The following USP15 variants were observed in gnomAD, a reference collection of about 807,000 sequenced individuals.
USP15 encodes the protein ubiquitin specific peptidase 15.
In USP15, 18 loss-of-function variants were observed where a neutral mutation model predicts 127.1. The ratio of observed to expected loss-of-function variants is 0.14; its 90% CI spans 0.10 to 0.21. The LOEUF (loss-of-function observed/expected upper bound fraction) is 0.21, where lower values mean the gene tolerates loss of function less well. Ranked by LOEUF, USP15 falls within the 10% of genes least tolerant of loss-of-function variation. The probability of loss-of-function intolerance (pLI) is 1.00; values close to 1 mark genes in which losing one functional copy is unlikely to be tolerated. For synonymous variants in USP15, 364 were observed against 393.7 expected (o/e 0.92, Z 0.89); for missense variants, 805 against 1,159.9 (o/e 0.69, Z 4.44).
intron 1 of USP15, among the ~76,000 whole-genome samples, chr12:62,281,867 AT>A (rs1350298189): frequency 6.6e-6 from 1 of 152,232 alleles, no homozygotes; most frequent in Non-Finnish European, 1.5e-5. Context: ...GACAGTTGAC[AT>A]AGAAATGTAT....
intron 17 of USP15, 73 bp downstream of exon 17, chr12:62,391,959 GT>G (rs1220495279): frequency 3.7e-6 from 5 of 1,340,106 alleles, no homozygotes; most frequent in Non-Finnish European, 5.1e-6. Context: ...TAATCATACT[GT>G]TGTGTTACAC....
chr12:62,391,923 G>A, intron 17 of USP15, 37 bp downstream of exon 17: 4 of 1,537,536 alleles, frequency 2.6e-6, no homozygotes, highest in South Asian at 2.4e-5. Context: ...ACCTTTCCTT[G>A]ATTTACTTTA....
Position 62,324,522 on chromosome 12 carries a change from A to G in USP15, c.622-1350A>G, listed in dbSNP as rs185106669. On this transcript the variant is annotated intron_variant, in intron 5 of 21. Transcript: ENST00000280377. Reference sequence around the variant, plus strand: ...AGTGAAAAATCACTCTCTAAATTCTACTTTGTAAATCTTCATAAATTTATA... The same window carrying G: ...AGTGAAAAATCACTCTCTAAATTCTGCTTTGTAAATCTTCATAAATTTATA... Among the ~76,000 whole-genome samples the G allele has an allele frequency of 2.8e-3, 422 of 152,102 alleles. 1 individual carries two copies. Among genetic ancestry groups the G allele is most frequent in the African/African-American group, 9.6e-3 (401 of 41,558 alleles).
chr12:62,403,295 G>T (rs1455474121), intron 21 of USP15, among the ~76,000 whole-genome samples: 1 of 152,084 alleles, frequency 6.6e-6, no homozygotes, highest in Non-Finnish European at 1.5e-5. Flanking sequence ...ACAGAACATA[G>T]TATGTTTAAA....
intron 11 of USP15, among the ~76,000 whole-genome samples, chr12:62,386,954 A>G (rs1218068339): frequency 6.6e-6 from 1 of 152,186 alleles, no homozygotes; most frequent in African/African-American, 2.4e-5. Flanking sequence ...AAAATGTGTA[A>G]GTATATTCAA....
At chr12:62,393,258 G>T in intron 19 of USP15, 56 bp downstream of exon 19, 1 of 1,569,460 alleles carries the variant, frequency 6.4e-7, no homozygotes, top group South Asian at 1.2e-5. Context: ...AAACTTATTT[G>T]ATGCTTTTTG....
chr12:62,413,474 A>G lies in USP15; in HGVS notation c.*9099A>G, dbSNP rs923689829. On this transcript the variant is annotated 3_prime_UTR_variant, in exon 22 of 22. Transcript: ENST00000280377. Reference sequence around the variant, plus strand: ...GTTTTTAGTGTAACTACCTTCATCAATGATCTTAGCTAGATCTTCTGGATA... The same window carrying G: ...GTTTTTAGTGTAACTACCTTCATCAGTGATCTTAGCTAGATCTTCTGGATA... 2.0e-5 allele frequency: 3 copies of G among 152,174 alleles called. No individual in the cohort carries two copies. Among genetic ancestry groups the G allele is most frequent in the Non-Finnish European group, 2.9e-5 (2 of 68,024 alleles). 9.4% of individuals were successfully genotyped at this position (152,174 alleles called of 1,614,324 possible).
chr12:62,331,271 G>T (rs960194008), intron 6 of USP15, among the ~76,000 whole-genome samples: 4 of 152,154 alleles, frequency 2.6e-5, no homozygotes, highest in African/African-American at 9.7e-5. Flanking sequence ...ATCACTGGTA[G>T]AATTTATTAA....
In USP15 at chr12:62,307,615, G is replaced by C. The variant is rs565224116; in HGVS notation, c.348+4695G>C. 2.0e-5 allele frequency among the ~76,000 whole-genome samples: 3 copies of C among 152,162 alleles called. No homozygotes were observed. In the South Asian group the frequency reaches 6.2e-4, roughly 32 times the overall value. ...TTTCAGTTACCTGCAAGCAACCATG[G>C]TCCAAAAATATTAAGTGGGAAATTC... On this transcript the variant is annotated intron_variant, in intron 3 of 21. Transcript: ENST00000280377.
intron 18 of USP15, 149 bp from the exon 19 acceptor site, chr12:62,392,902 TAA>T (rs890798316): frequency 1.1e-5 from 8 of 709,626 alleles, no homozygotes; most frequent in African/African-American, 9.2e-5. Flanking sequence ...ATAAAAATAA[TAA>T]GAGTTGCTTT....
chr12:62,394,689 A>T (rs2067429290), intron 19 of USP15, among the ~76,000 whole-genome samples: 1 of 152,264 alleles, frequency 6.6e-6, no homozygotes. Flanking sequence ...CTCTACCAAA[A>T]TTCAAAAACA....
intron 11 of USP15, 48 bp from the exon 12 acceptor site, chr12:62,389,383 T>C: frequency 1.3e-6 from 2 of 1,512,508 alleles, no homozygotes; most frequent in Non-Finnish European, 9.0e-7. Context: ...ATTTACTGAA[T>C]TTTTTTTCCA....
chr12:62,371,281 C>T (rs759522857), intron 8 of USP15, among the ~76,000 whole-genome samples: 4 of 152,274 alleles, frequency 2.6e-5, no homozygotes, highest in Middle Eastern at 6.8e-3. Context: ...TCCCTACTTG[C>T]GTTTTTCATA....
At chr12:62,319,644 G>A (rs1049276114) in intron 4 of USP15, among the ~76,000 whole-genome samples, 5 of 152,020 alleles carry the variant, frequency 3.3e-5, no homozygotes, top group Non-Finnish European at 2.9e-5. Flanking sequence ...AGGCTTTTGC[G>A]TTACTACCCC....
In USP15 at chr12:62,404,711, G is replaced by A. The variant is rs982459428; in HGVS notation, c.*336G>A. On this transcript the variant is annotated 3_prime_UTR_variant, in exon 22 of 22. Transcript: ENST00000280377. ...TGAGTTGATGACAAATGTTAAATTTGTGGATGTTGGTCATTTATTTTGCTC... is the reference window on the plus strand; with the variant it reads ...TGAGTTGATGACAAATGTTAAATTTATGGATGTTGGTCATTTATTTTGCTC... 1 of 164,996 alleles carries A rather than the reference G, an allele frequency of 6.1e-6. No individual in the cohort carries two copies. The highest frequency in any genetic ancestry group is 1.3e-5 in the Non-Finnish European group (1 of 76,002). The allele number at this position is 164,996 out of a possible 1,614,324, so 10.2% of individuals were successfully genotyped here. A position where few individuals can be genotyped will look rare whatever the true frequency, so the allele number is the denominator to read the frequency against.
intron 7 of USP15, among the ~76,000 whole-genome samples, chr12:62,351,312 A>G (rs2065960488): frequency 6.6e-6 from 1 of 151,176 alleles, no homozygotes; most frequent in Non-Finnish European, 1.5e-5. Flanking sequence ...AGTGAAAATA[A>G]CCCCTCGTAA....
At chr12:62,389,065 C>T (rs962384909) in intron 11 of USP15, among the ~76,000 whole-genome samples, 4 of 134,578 alleles carry the variant, frequency 3.0e-5, no homozygotes, top group South Asian at 2.3e-4. Context: ...GTTGAGGCTG[C>T]GGTGAGCCAA....
chr12:62,397,875 A>C (rs906764096), intron 20 of USP15, among the ~76,000 whole-genome samples: 6 of 151,664 alleles, frequency 4.0e-5, no homozygotes, highest in Admixed American at 6.6e-5. Context: ...AAAAAGTATC[A>C]GTCTTCCCAG....
intron 8 of USP15, among the ~76,000 whole-genome samples, chr12:62,378,775 T>C (rs2066905826): frequency 1.3e-5 from 2 of 152,180 alleles, no homozygotes; most frequent in Admixed American, 6.6e-5. Flanking sequence ...GATTATTCTT[T>C]AGAAATATAT....
Sources: gnomAD v4.1 joint callset for allele counts (sites outside exome capture counted in the v4.1 genomes callset) on GRCh38, gnomAD v4.1.1 for gene constraint, MANE v1.5 for transcripts, NCBI Gene and HGNC (gene_info 2026-07-23, HGNC 2026-07-21) for gene names.